The following AKT2 variants were observed in gnomAD, a reference collection of about 807,000 sequenced individuals.
AKT2 encodes the protein AKT serine/threonine kinase 2, also known as RAC-beta serine/threonine-protein kinase.
In AKT2, 16 loss-of-function variants were observed where a neutral mutation model predicts 58.6. That is an observed-to-expected ratio of 0.27 (90% CI 0.18 to 0.41). AKT2 has a LOEUF of 0.41. Among genes scored for constraint, AKT2 ranks in the 10% least tolerant of loss-of-function variants. AKT2 has a pLI of 1.00. For missense variants in AKT2, 438 were observed against 661.0 expected, an observed-to-expected ratio of 0.66 and a Z score of 3.70; for synonymous variants, 253 against 254.0, an observed-to-expected ratio of 1.00 and a Z score of 0.04.
intron 1 of AKT2, among the ~76,000 whole-genome samples, chr19:40,267,100 G>A (rs759823196): frequency 2.0e-5 from 3 of 151,334 alleles, no homozygotes; most frequent in African/African-American, 4.9e-5. Context: ...CCTCTTCCCC[G>A]AGTTCCTACG....
rs1217996479 is a variant in AKT2 at position 40,242,595 on chromosome 19, G to A, written c.380C>T (p.Pro127Leu). The A allele has an allele frequency of 3.7e-6, 6 of 1,613,754 alleles. No individual in the cohort carries two copies. The highest frequency in any genetic ancestry group is 4.2e-6 in the Non-Finnish European group (5 of 1,180,036). Residue 127 changes from proline (P) to leucine (L), a missense_variant, in exon 5 of 14, where the codon CCC becomes CTC. Physicochemically the swap from Pro to Leu is moderately conservative, Grantham distance 98. Around this residue, in one of 3 missense-constraint regions of AKT2, gnomAD observed 244 missense variants for 347.1 expected, o/e 0.70. Transcript: ENST00000392038. This position sits in a 1 kb window ranked among gnomAD's most constrained non-coding sequence, Gnocchi z 4.3. The part of the protein sequence containing the change: ...EDPMDYKCGS[P>L]SDSSTTEEME... ...CTCCTCAGTCGTGGAGGAGTCACTGGGGGAGCCACACTTGTAGTCCATGGG... is the reference window on the plus strand; with the variant it reads ...CTCCTCAGTCGTGGAGGAGTCACTGAGGGAGCCACACTTGTAGTCCATGGG...
intron 1 of AKT2, among the ~76,000 whole-genome samples, chr19:40,271,440 A>C (rs1413699498): frequency 1.3e-5 from 2 of 150,470 alleles, no homozygotes; most frequent in South Asian, 2.1e-4. Flanking sequence ...AAAAAAAAAA[A>C]AAAAACCAAA....
At position 40,242,181 on chromosome 19, in the gene AKT2, G is replaced by C; in HGVS notation, c.442-112C>G. ...AAAGACACTGTTGCCAAACGGCTTA[G>C]GCTGGAGCAGGAAGGGAGGCTCTGG... On this transcript the variant is annotated intron_variant, in intron 5 of 13. Transcript: ENST00000392038. This position sits in a 1 kb window ranked among gnomAD's most constrained non-coding sequence, Gnocchi z 4.3. The C allele has an allele frequency of 4.1e-6, 6 of 1,481,208 alleles. No individual in the cohort carries two copies. The highest frequency in any genetic ancestry group is 3.7e-6 in the Non-Finnish European group (4 of 1,080,724). The allele number at this position is 1,481,208 out of a possible 1,614,324, so 91.8% of individuals were successfully genotyped here.
intron 2 of AKT2, among the ~76,000 whole-genome samples, chr19:40,259,330 T>A (rs1457480434): frequency 1.3e-5 from 2 of 152,152 alleles, no homozygotes; most frequent in East Asian, 3.9e-4. Context: ...CTTATCCCTA[T>A]TTTGCAGATG....
At chr19:40,277,709 C>A (rs1379141706) in intron 1 of AKT2, among the ~76,000 whole-genome samples, 2 of 152,176 alleles carry the variant, frequency 1.3e-5, no homozygotes, top group African/African-American at 4.8e-5. Flanking sequence ...CACAGGGGCT[C>A]CTCAGCAGCC....
intron 1 of AKT2, 120 bp downstream of exon 1, chr19:40,285,061 G>A (rs1230145280): frequency 2.6e-6 from 1 of 385,846 alleles, no homozygotes; most frequent in Non-Finnish European, 4.6e-6. Context: ...CTGAAGGAGG[G>A]GCTCGAGGGC....
intron 1 of AKT2, among the ~76,000 whole-genome samples, chr19:40,278,822 G>A (rs991165866): frequency 9.2e-5 from 14 of 151,848 alleles, no homozygotes; most frequent in African/African-American, 2.4e-4. Context: ...GAAGGTTCCC[G>A]TTTACAGCTG....
intron 2 of AKT2, among the ~76,000 whole-genome samples, chr19:40,257,503 G>A (rs1975621570): frequency 1.3e-5 from 2 of 151,984 alleles, no homozygotes; most frequent in Non-Finnish European, 2.9e-5. Flanking sequence ...AGGCAGGGTG[G>A]CACTGCTGCC....
intron 1 of AKT2, among the ~76,000 whole-genome samples, chr19:40,266,761 G>A (rs966615499): frequency 2.6e-5 from 4 of 152,144 alleles, no homozygotes; most frequent in Non-Finnish European, 4.4e-5. Flanking sequence ...CCTGGGCAAC[G>A]TAGTGAGAAC....
At chr19:40,249,872 C>CA (rs751832616) in intron 4 of AKT2, among the ~76,000 whole-genome samples, 4 of 152,184 alleles carry the variant, frequency 2.6e-5, no homozygotes, top group Non-Finnish European at 5.9e-5. Flanking sequence ...TGGGGAAGGG[C>CA]AAGACAGCGA....
intron 4 of AKT2, among the ~76,000 whole-genome samples, chr19:40,253,286 G>A (rs1277018243): frequency 6.6e-6 from 1 of 152,142 alleles, no homozygotes; most frequent in Non-Finnish European, 1.5e-5. Context: ...TCTCTAGAGG[G>A]TCTGCTGAAA....
intron 6 of AKT2, 175 bp from the exon 7 acceptor site, chr19:40,240,285 C>A (rs771118234): frequency 2.5e-6 from 2 of 798,084 alleles, no homozygotes; most frequent in African/African-American, 1.7e-5. Flanking sequence ...CAGACCCAGA[C>A]GAGGATCATC....
intron 1 of AKT2, among the ~76,000 whole-genome samples, chr19:40,277,791 G>T (rs1048702659): frequency 3.3e-5 from 5 of 152,162 alleles, no homozygotes; most frequent in African/African-American, 1.2e-4. Context: ...AGCACTCACA[G>T]GCCAATGCAA....
chr19:40,237,512 G>A lies in AKT2; in HGVS notation c.831+457C>T. On this transcript the variant is annotated intron_variant, in intron 9 of 13. Transcript: ENST00000392038. This position sits in a 1 kb window ranked among gnomAD's most constrained non-coding sequence, Gnocchi z 4.5. ...ATACAAAAATTAGCTGGGCATGGTG[G>A]CGGGCACCTGTAATCCCACCTATTC... 1 of 167,312 alleles carries A rather than the reference G, an allele frequency of 6.0e-6. No individual in the cohort carries two copies. The highest frequency in any genetic ancestry group is 1.3e-5 in the Non-Finnish European group (1 of 76,218). The allele number at this position is 167,312 out of a possible 1,614,324, so 10.4% of individuals were successfully genotyped here.
rs2145163676 is a variant in AKT2, at chr19:40,235,881, A to C, written c.1175+9T>G. ...CGCTGGGCTGGGTGGGGCCGACGCCAGCCCTCACCTCTGCTTGGGGTCCTT... is the reference window on the plus strand; with the variant it reads ...CGCTGGGCTGGGTGGGGCCGACGCCCGCCCTCACCTCTGCTTGGGGTCCTT... On this transcript the variant is annotated intron_variant, in intron 11 of 13. Coordinates refer to ENST00000392038, the MANE Select transcript of AKT2 (RefSeq NM_001626.6). The surrounding 1 kb of genome is among the most constrained non-coding windows in gnomAD (Gnocchi z 6.3). 6.2e-7 allele frequency: 1 copy of C among 1,603,458 alleles called. No individual in the cohort carries two copies. The highest frequency in any genetic ancestry group is 8.5e-7 in the Non-Finnish European group (1 of 1,176,750).
At chr19:40,241,916 G>A in intron 6 of AKT2, 22 bp downstream of exon 6, 1 of 1,613,170 alleles carries the variant, frequency 6.2e-7, no homozygotes, top group East Asian at 2.2e-5. Flanking sequence ...AGGCTCGCGA[G>A]CGCAATTCCC....
At chr19:40,261,350 T>C (rs979073164) in intron 2 of AKT2, among the ~76,000 whole-genome samples, 7 of 152,052 alleles carry the variant, frequency 4.6e-5, no homozygotes, top group South Asian at 2.1e-4. Flanking sequence ...CTGGCCAACA[T>C]GGTGAAACCC....
chr19:40,238,234 G>C lies in AKT2; in HGVS notation c.709-143C>G. 8.5e-7 allele frequency: 1 copy of C among 1,175,172 alleles called. No homozygotes were observed. Among genetic ancestry groups the C allele is most frequent in the Admixed American group, 2.1e-5 (1 of 48,384 alleles). 72.8% of individuals were successfully genotyped at this position (1,175,172 alleles called of 1,614,324 possible). A position where few individuals can be genotyped will look rare whatever the true frequency, so the allele number is the denominator to read the frequency against. On this transcript the variant is annotated intron_variant, in intron 8 of 13. Transcript: ENST00000392038. The surrounding 1 kb of genome is among the most constrained non-coding windows in gnomAD (Gnocchi z 5.1). ...AGTGACAGCTAGAGGGACCAATCAAGGCAGAGCGCAGAAGCTCATAAGTGA... is the reference window on the plus strand; with the variant it reads ...AGTGACAGCTAGAGGGACCAATCAACGCAGAGCGCAGAAGCTCATAAGTGA...
At chr19:40,255,471 CAG>C (rs1392771290) in intron 3 of AKT2, among the ~76,000 whole-genome samples, 1 of 152,016 alleles carries the variant, frequency 6.6e-6, no homozygotes, top group Non-Finnish European at 1.5e-5. Context: ...AGAAGCCCAC[CAG>C]AGAGTGATGG....
Sources: gnomAD v4.1 joint callset for allele counts (sites outside exome capture counted in the v4.1 genomes callset) on GRCh38, gnomAD v4.1.1 for gene constraint, gnomAD v4.1.1 regional missense constraint, Gnocchi (gnomAD v3.1) non-coding constraint, MANE v1.5 for transcripts, NCBI Gene and HGNC (gene_info 2026-07-23, HGNC 2026-07-21) for gene names.